The following CADM2 variants were observed in gnomAD, a reference collection of about 807,000 sequenced individuals.
CADM2 encodes immunoglobulin superfamily member 4D.
A neutral mutation model predicts 49.8 loss-of-function variants in CADM2; 12 were observed. The ratio of observed to expected loss-of-function variants is 0.24; its 90% CI spans 0.15 to 0.39. The LOEUF (loss-of-function observed/expected upper bound fraction) is 0.39, where lower values mean the gene tolerates loss of function less well. CADM2 is among the 10% of genes least tolerant of loss of function. The pLI is 1.00. For synonymous variants in CADM2, 214 were observed against 175.4 expected (o/e 1.22, Z -1.74); for missense variants, 378 against 492.3 (o/e 0.77, Z 2.20).
intron 8 of CADM2, among the ~76,000 whole-genome samples, chr3:86,061,996 G>T (rs115478525): frequency 1.3e-5 from 2 of 148,760 alleles, no homozygotes; most frequent in African/African-American, 2.5e-5. Context: ...TGGGGGGGGG[G>T]TTGAATTTGT....
At chr3:85,665,056 T>G (rs1229436255) in intron 1 of CADM2, among the ~76,000 whole-genome samples, 1 of 152,010 alleles carries the variant, frequency 6.6e-6, no homozygotes, top group African/African-American at 2.4e-5. Context: ...CATAATAGGG[T>G]TTCATTCAAT....
At chr3:86,051,061 C>A (rs1047760556) in intron 8 of CADM2, among the ~76,000 whole-genome samples, 6 of 152,192 alleles carry the variant, frequency 3.9e-5, no homozygotes, top group African/African-American at 1.4e-4. Context: ...ATATACTCTA[C>A]TTTCTTTTTT....
At chr3:85,113,860 T>G (rs34992129) in intron 1 of CADM2, among the ~76,000 whole-genome samples, 4,536 of 152,092 alleles carry the variant, frequency 0.03, 93 homozygotes, top group East Asian at 0.046. Context: ...TCATCATAAG[T>G]CTCTTTCAAG....
intron 1 of CADM2, among the ~76,000 whole-genome samples, chr3:85,079,580 A>T (rs12496674): frequency 6.6e-6 from 1 of 151,980 alleles, no homozygotes; most frequent in East Asian, 1.9e-4. Flanking sequence ...GGAGTATTTA[A>T]CCATGCTGGT....
chr3:85,178,743 A>G (rs1448143797), intron 1 of CADM2, among the ~76,000 whole-genome samples: 1 of 151,796 alleles, frequency 6.6e-6, no homozygotes, highest in East Asian at 1.9e-4. Flanking sequence ...CTATTTGTAT[A>G]TGTTAAATCA....
intron 1 of CADM2, among the ~76,000 whole-genome samples, chr3:85,413,158 A>T (rs1373719393): frequency 4.5e-4 from 64 of 141,618 alleles, no homozygotes; most frequent in African/African-American, 1.5e-3. Flanking sequence ...AAAAAAAAAA[A>T]AAAAATAATA....
chr3:85,934,076 A>G (rs895529617), intron 6 of CADM2, among the ~76,000 whole-genome samples: 2 of 152,070 alleles, frequency 1.3e-5, no homozygotes, highest in Non-Finnish European at 2.9e-5. Context: ...CATCACAGAC[A>G]CCCATGTTAA....
intron 1 of CADM2, among the ~76,000 whole-genome samples, chr3:85,578,142 C>T (rs1175258551): frequency 2.6e-5 from 4 of 151,826 alleles, no homozygotes; most frequent in Middle Eastern, 3.2e-3. Flanking sequence ...AGAGCAGTGG[C>T]GCGATCTCGG....
chr3:85,411,993 A>AT (rs917321886), intron 1 of CADM2, among the ~76,000 whole-genome samples: 5 of 151,944 alleles, frequency 3.3e-5, no homozygotes, highest in African/African-American at 1.2e-4. Context: ...ATGCCCAGCT[A>AT]TTTTTTATAT....
chr3:85,784,919 T>G (rs2070888946), intron 2 of CADM2, among the ~76,000 whole-genome samples: 1 of 152,176 alleles, frequency 6.6e-6, no homozygotes, highest in Non-Finnish European at 1.5e-5. Context: ...GCTCTGGGTT[T>G]TTCTTCTACA....
At chr3:85,216,289 AT>A (rs1214557031) in intron 1 of CADM2, among the ~76,000 whole-genome samples, 1 of 146,938 alleles carries the variant, frequency 6.8e-6, no homozygotes, top group Non-Finnish European at 1.5e-5. Flanking sequence ...ATATATTTAT[AT>A]TTAATATATT....
intron 1 of CADM2, among the ~76,000 whole-genome samples, chr3:85,638,765 AT>A (rs1370627919): frequency 1.3e-5 from 2 of 151,932 alleles, no homozygotes; most frequent in African/African-American, 2.4e-5. Flanking sequence ...GTTACTATTT[AT>A]TTTTTTCTTT....
At chr3:85,609,684 A>C (rs562130565) in intron 1 of CADM2, among the ~76,000 whole-genome samples, 2 of 152,240 alleles carry the variant, frequency 1.3e-5, no homozygotes, top group South Asian at 4.1e-4. Flanking sequence ...GGAGATCCAT[A>C]ATTCTACTTT....
intron 1 of CADM2, among the ~76,000 whole-genome samples, chr3:85,161,501 G>A (rs955720770): frequency 1.3e-5 from 2 of 152,050 alleles, no homozygotes; most frequent in African/African-American, 2.4e-5. Context: ...CAGTTTCAGG[G>A]CTCAGGGTTC....
chr3:85,219,861 A>G (rs990911452), intron 1 of CADM2, among the ~76,000 whole-genome samples: 5 of 152,168 alleles, frequency 3.3e-5, no homozygotes, highest in African/African-American at 1.2e-4. Context: ...TGGTAGAGAC[A>G]TGATATTTTC....
chr3:84,997,083 T>A (rs552524327), intron 1 of CADM2, among the ~76,000 whole-genome samples: 1 of 152,096 alleles, frequency 6.6e-6, no homozygotes, highest in Non-Finnish European at 1.5e-5. Flanking sequence ...GGAATCAAAC[T>A]AAAGAAATAG....
intron 6 of CADM2, among the ~76,000 whole-genome samples, chr3:85,931,816 C>T (rs2108528824): frequency 6.6e-6 from 1 of 151,332 alleles, no homozygotes; most frequent in South Asian, 2.1e-4. Context: ...CATTAGAAGA[C>T]AAGAACATAA....
intron 1 of CADM2, among the ~76,000 whole-genome samples, chr3:85,289,777 C>G (rs938834672): frequency 6.6e-6 from 1 of 152,172 alleles, no homozygotes; most frequent in African/African-American, 2.4e-5. Flanking sequence ...ATTTGTTAAA[C>G]AACCACTTTG....
chr3:85,502,008 G>A (rs1422047475), intron 1 of CADM2, among the ~76,000 whole-genome samples: 1 of 152,032 alleles, frequency 6.6e-6, no homozygotes, highest in Non-Finnish European at 1.5e-5. Flanking sequence ...GAATTTAAAC[G>A]CTGAAAAAAT....
Sources: allele counts gnomAD v4.1 joint callset (sites outside exome capture counted in the v4.1 genomes callset), GRCh38; gene constraint gnomAD v4.1.1; transcripts MANE v1.5; gene names NCBI Gene and HGNC (gene_info 2026-07-23, HGNC 2026-07-21).